Variants in PIEZO2 observed in about 807,000 individuals in gnomAD.
The protein encoded by PIEZO2 is piezo-type mechanosensitive ion channel component 2.
A neutral mutation model predicts 337.3 loss-of-function variants in PIEZO2; 172 were observed. The observed-to-expected ratio is 0.51, with a 90% CI of 0.45 to 0.58. The LOEUF (loss-of-function observed/expected upper bound fraction) is 0.58. PIEZO2 is among the 20% of genes least tolerant of loss of function. The probability of loss-of-function intolerance (pLI) is 0.00; values close to 1 mark genes in which losing one functional copy is unlikely to be tolerated. For synonymous variants in PIEZO2, 1,251 were observed against 1,228.5 expected (o/e 1.02, Z -0.38); for missense variants, 3,028 against 3,391.3 (o/e 0.89, Z 2.66).
intron 3 of PIEZO2, among the ~76,000 whole-genome samples, chr18:10,948,073 A>T (rs1005344285): frequency 1.3e-5 from 2 of 152,242 alleles, no homozygotes; most frequent in Non-Finnish European, 1.5e-5. Context: ...CAGTTTAAAC[A>T]TATCAATTAT....
Position 10,871,318 on chromosome 18 carries a change from T to C in PIEZO2, c.427A>G (p.Ile143Val). The part of the protein sequence containing the change: ...SLTIWLLCRN[I>V]VQKPVTDEAA... ...TCGTCTGTCACAGGTTTCTGAACAA[T>C]GTTTCTACAGAGGAGCCAGATGGTC... Residue 143 changes from isoleucine (I) to valine (V), a missense_variant, in exon 5 of 56, where the codon ATT (isoleucine) becomes GTT (valine). Ile to Val is a conservative substitution (Grantham distance 29). This residue lies in a region of PIEZO2 where 542 missense variants were observed against 605.6 expected (regional missense o/e 0.89). Transcript: ENST00000674853. 1 of 1,537,278 alleles carries C rather than the reference T, an allele frequency of 6.5e-7. No homozygotes were observed. Among genetic ancestry groups the C allele is most frequent in the East Asian group, 2.4e-5 (1 of 40,916 alleles).
chr18:11,106,378 G>A (rs1387671289), intron 1 of PIEZO2, among the ~76,000 whole-genome samples: 13 of 149,764 alleles, frequency 8.7e-5, no homozygotes, highest in African/African-American at 2.0e-4. Flanking sequence ...GATTACAGGC[G>A]TGAGCCACAG....
In PIEZO2 at chr18:10,773,576, G is replaced by GCTTCTC; in HGVS notation, c.2620_2621insGAGAAG (p.Thr873_Ala874insGlyGlu). ...CCTCACCTCCGGCTTCTCCAGGCTGGCAGTCAGATGCATCATGGTGAGGTC... is the reference window on the plus strand; with the variant it reads ...CCTCACCTCCGGCTTCTCCAGGCTGGCTTCTCCAGTCAGATGCATCATGGTGAGGTC... On this transcript the variant is annotated inframe_insertion, in exon 20 of 56. Coordinates refer to ENST00000674853, the MANE Select transcript of PIEZO2 (RefSeq NM_001378183.1). The surrounding 1 kb of genome is among the most constrained non-coding windows in gnomAD (Gnocchi z 5.3). 1 of 1,537,374 alleles carries GCTTCTC rather than the reference G, an allele frequency of 6.5e-7. No homozygotes were observed. Among genetic ancestry groups the GCTTCTC allele is most frequent in the Non-Finnish European group, 8.7e-7 (1 of 1,146,954 alleles).
At chr18:10,810,078 T>A (rs1456965171) in intron 7 of PIEZO2, among the ~76,000 whole-genome samples, 1 of 152,238 alleles carries the variant, frequency 6.6e-6, no homozygotes, top group Non-Finnish European at 1.5e-5. Flanking sequence ...ATTCTACTGA[T>A]AATGTATACA....
At chr18:10,715,627 A>C in intron 38 of PIEZO2, 23 bp downstream of exon 38, 1 of 1,494,482 alleles carries the variant, frequency 6.7e-7, no homozygotes, top group Non-Finnish European at 8.9e-7. Context: ...AAGGAGCAAA[A>C]AGAATTACAC....
At chr18:10,760,690 G>A (rs1350166023) in intron 24 of PIEZO2, among the ~76,000 whole-genome samples, 2 of 152,228 alleles carry the variant, frequency 1.3e-5, no homozygotes, top group Admixed American at 6.5e-5. Flanking sequence ...GAGATCCAGA[G>A]AGGCCAAGGC....
In PIEZO2 at chr18:10,726,590, A is replaced by T; in HGVS notation, c.5029+4817T>A. The T allele has an allele frequency of 1.4e-6, 2 of 1,411,634 alleles. No individual in the cohort carries two copies. Among genetic ancestry groups the T allele is most frequent in the Non-Finnish European group, 1.9e-6 (2 of 1,061,252 alleles). The allele number at this position is 1,411,634 out of a possible 1,614,324, so 87.4% of individuals were successfully genotyped here. A position where few individuals can be genotyped will look rare whatever the true frequency, so the allele number is the denominator to read the frequency against. On this transcript the variant is annotated intron_variant, in intron 36 of 55. Transcript: ENST00000674853. This position sits in a 1 kb window ranked among gnomAD's most constrained non-coding sequence, Gnocchi z 5.9. ...CTGTCCTTCCGCCAGCTCTTCCAGG[A>T]CCTGGCGCGCTACGTGCGGGACGCC... is the stretch of plus-strand genomic sequence containing the variant.
intron 7 of PIEZO2, among the ~76,000 whole-genome samples, chr18:10,851,850 C>T (rs975762931): frequency 1.3e-5 from 2 of 151,906 alleles, no homozygotes; most frequent in Non-Finnish European, 2.9e-5. Flanking sequence ...TAACTATTTA[C>T]TAAGCTTTAC....
Position 10,855,380 on chromosome 18 carries a change from G to C in PIEZO2, c.890C>G (p.Ala297Gly), listed in dbSNP as rs1488085672. 1 of 1,536,506 alleles carries C rather than the reference G, an allele frequency of 6.5e-7. No individual in the cohort carries two copies. Among genetic ancestry groups the C allele is most frequent in the South Asian group, 1.2e-5 (1 of 84,054 alleles). The change falls in exon 7 of 56, where the codon GCA (alanine) becomes GGA (glycine). Residue 297 changes from alanine (A) to glycine (G), a missense_variant. This residue lies in a region of PIEZO2 where 542 missense variants were observed against 605.6 expected (regional missense o/e 0.89). Coordinates refer to ENST00000674853, the MANE Select transcript of PIEZO2 (RefSeq NM_001378183.1). This position sits in a 1 kb window ranked among gnomAD's most constrained non-coding sequence, Gnocchi z 4.9. ...YLYQFQFFQE[A>G]VPPNDYYARL... ...TGCATAGTAGTCATTGGGTGGAACT[G>C]CCTCTTGAAAGAATTGGAACTGGTA...
intron 49 of PIEZO2, among the ~76,000 whole-genome samples, chr18:10,689,030 G>C (rs1302565433): frequency 6.6e-6 from 1 of 152,124 alleles, no homozygotes; most frequent in Non-Finnish European, 1.5e-5. Flanking sequence ...ATCATACAGA[G>C]GAGCCTTTTT....
chr18:10,996,733 G>A (rs1201675457), intron 2 of PIEZO2, among the ~76,000 whole-genome samples: 1 of 151,884 alleles, frequency 6.6e-6, no homozygotes, highest in Non-Finnish European at 1.5e-5. Context: ...CACCTATTTG[G>A]GTTGTTTATA....
At chr18:10,864,623 C>T (rs547321040) in intron 5 of PIEZO2, among the ~76,000 whole-genome samples, 54 of 152,326 alleles carry the variant, frequency 3.5e-4, no homozygotes, top group Middle Eastern at 6.8e-3. Flanking sequence ...AATAAATAAA[C>T]ATGCCCATAG....
rs2040329333 is a variant in PIEZO2 at position 11,131,135 on chromosome 18, T to C, written c.64+17390A>G. Among the ~76,000 whole-genome samples the C allele has an allele frequency of 6.6e-6, 1 of 152,192 alleles. No individual in the cohort carries two copies. The highest frequency in any genetic ancestry group is 2.4e-5 in the African/African-American group (1 of 41,452). ...GCTCTTGGCTGACACTGGACTTTGG[T>C]GGAAACTGAATGTTTGACTATCGGT... is the stretch of plus-strand genomic sequence containing the variant. On this transcript the variant is annotated intron_variant, in intron 1 of 55. Transcript: ENST00000674853. The surrounding 1 kb of genome is among the most constrained non-coding windows in gnomAD (Gnocchi z 5.3).
Position 10,809,510 on chromosome 18 carries a change from C to T in PIEZO2, c.918-2236G>A, listed in dbSNP as rs532544950. On this transcript the variant is annotated intron_variant, in intron 7 of 55. Transcript: ENST00000674853. ...GTCTTGATCTCTTGACCTCGTGATC[C>T]GCCCACCTTGGCCTCCCAAAGTGCT... Among the ~76,000 whole-genome samples, 10 of 151,516 alleles carry T rather than the reference C, an allele frequency of 6.6e-5. No individual in the cohort carries two copies. In the South Asian group the frequency reaches 1.3e-3, roughly 19 times the overall value.
intron 21 of PIEZO2, among the ~76,000 whole-genome samples, chr18:10,764,219 G>A (rs1043346051): frequency 6.6e-6 from 1 of 152,206 alleles, no homozygotes; most frequent in Non-Finnish European, 1.5e-5. Context: ...TAATATCCTA[G>A]AAATGTTTAA....
At position 10,857,152 on chromosome 18, in the gene PIEZO2, T is replaced by G; in HGVS notation, c.552A>C (p.Gly184=). ...EALIYEEDFN[G]GDGVEGELEE... ...CCAACTCGCCTTCAACACCATCTCC[T>G]CCATTGAAATCCTCTTCATAGATCA... Residue 184 remains glycine, a synonymous_variant, in exon 6 of 56, where the codon GGA becomes GGC. Coordinates refer to ENST00000674853, the MANE Select transcript of PIEZO2 (RefSeq NM_001378183.1). 1 of 1,537,890 alleles carries G rather than the reference T, an allele frequency of 6.5e-7. No individual in the cohort carries two copies. Among genetic ancestry groups the G allele is most frequent in the Non-Finnish European group, 8.7e-7 (1 of 1,147,040 alleles).
intron 7 of PIEZO2, among the ~76,000 whole-genome samples, chr18:10,810,889 T>C (rs2040166831): frequency 6.6e-6 from 1 of 152,186 alleles, no homozygotes; most frequent in African/African-American, 2.4e-5. Context: ...TATGTGCATG[T>C]CACTGTATTC....
In PIEZO2 at chr18:10,984,296, T is replaced by G. The variant is rs988886849; in HGVS notation, c.161-4636A>C. ...TGACAAAGAATTCAAAATAGCCATC[T>G]TAAAGCTCAGTGAGCTACAAGGGAG... On this transcript the variant is annotated intron_variant, in intron 2 of 55. Coordinates refer to ENST00000674853, the MANE Select transcript of PIEZO2 (RefSeq NM_001378183.1). 6.8e-4 allele frequency among the ~76,000 whole-genome samples: 103 copies of G among 152,254 alleles called. 1 individual carries two copies. The highest frequency in any genetic ancestry group is 2.4e-3 in the African/African-American group (101 of 41,568).
At position 10,748,332 on chromosome 18, in the gene PIEZO2, C is replaced by A; in HGVS notation, c.4424+139G>T. 1 of 831,492 alleles carries A rather than the reference C, an allele frequency of 1.2e-6. No individual in the cohort carries two copies. The highest frequency in any genetic ancestry group is 1.8e-6 in the Non-Finnish European group (1 of 545,276). 51.5% of individuals were successfully genotyped at this position (831,492 alleles called of 1,614,324 possible). A position where few individuals can be genotyped will look rare whatever the true frequency, so the allele number is the denominator to read the frequency against. ...TATTTTACAGGCCTTGTGCTAAATT[C>A]TTCTTGGATTGGTTTTGCTGGAAGG... On this transcript the variant is annotated intron_variant, in intron 30 of 55. Coordinates refer to ENST00000674853, the MANE Select transcript of PIEZO2 (RefSeq NM_001378183.1). This position sits in a 1 kb window ranked among gnomAD's most constrained non-coding sequence, Gnocchi z 5.1.
Sources: allele counts gnomAD v4.1 joint callset (sites outside exome capture counted in the v4.1 genomes callset), GRCh38; gene constraint gnomAD v4.1.1; regional missense constraint gnomAD v4.1.1; non-coding constraint Gnocchi (gnomAD v3.1); transcripts MANE v1.5; gene names NCBI Gene and HGNC (gene_info 2026-07-23, HGNC 2026-07-21).